The following ANKS1B variants were observed in gnomAD, a reference collection of about 807,000 sequenced individuals.
The protein encoded by ANKS1B is ankyrin repeat and sterile alpha motif domain-containing protein 1B.
A neutral mutation model predicts 148.3 loss-of-function variants in ANKS1B; 36 were observed. The observed-to-expected ratio is 0.24, with a 90% CI of 0.19 to 0.32. The LOEUF (loss-of-function observed/expected upper bound fraction) is 0.32, where lower values mean the gene tolerates loss of function less well. Ranked by LOEUF, ANKS1B falls within the 10% of genes least tolerant of loss-of-function variation. ANKS1B has a pLI of 1.00. For missense variants in ANKS1B, 1,157 were observed against 1,542.6 expected (o/e 0.75, Z 4.19); for synonymous variants, 542 against 560.8 (o/e 0.97, Z 0.47).
chr12:99,425,215 T>A (rs562432404), intron 11 of ANKS1B, among the ~76,000 whole-genome samples: 1 of 152,022 alleles, frequency 6.6e-6, no homozygotes, highest in Admixed American at 6.6e-5. Flanking sequence ...AATCTGTGTA[T>A]ATTTATATTC....
intron 12 of ANKS1B, among the ~76,000 whole-genome samples, chr12:99,314,561 A>T (rs1302222336): frequency 6.6e-6 from 1 of 152,218 alleles, no homozygotes; most frequent in South Asian, 2.1e-4. Context: ...TACTGGTACC[A>T]AAACAGACAC....
chr12:99,834,080 A>G (rs1470692964), intron 1 of ANKS1B, among the ~76,000 whole-genome samples: 1 of 152,122 alleles, frequency 6.6e-6, no homozygotes, highest in Non-Finnish European at 1.5e-5. Flanking sequence ...CCCTCCAACT[A>G]AAAATTTAAT....
intron 9 of ANKS1B, among the ~76,000 whole-genome samples, chr12:99,560,840 C>CT (rs58588885): frequency 0.058 from 4,147 of 71,838 alleles, 202 homozygotes; most frequent in East Asian, 0.17. Flanking sequence ...TTTCTTTTTT[C>CT]TTTTTTTTTT....
At chr12:99,547,030 G>A (rs10777998) in intron 9 of ANKS1B, among the ~76,000 whole-genome samples, 66,415 of 151,800 alleles carry the variant, frequency 0.44, 14,678 homozygotes, top group East Asian at 0.55. Flanking sequence ...GACACTGGGT[G>A]GACTCTGGGG....
At chr12:98,759,438 G>C (rs1232370439) in intron 25 of ANKS1B, among the ~76,000 whole-genome samples, 3 of 152,116 alleles carry the variant, frequency 2.0e-5, no homozygotes, top group Non-Finnish European at 4.4e-5. Flanking sequence ...GAGACAAAGA[G>C]ATCTTCCTCG....
At chr12:98,781,264 A>G (rs1466461866) in intron 23 of ANKS1B, 61 bp from the exon 24 acceptor site, 1 of 971,402 alleles carries the variant, frequency 1.0e-6, no homozygotes, top group East Asian at 2.6e-5. Context: ...TGAAGCACAC[A>G]ATTTTTCCTC....
intron 15 of ANKS1B, among the ~76,000 whole-genome samples, chr12:99,128,980 G>A (rs371196300): frequency 3.3e-5 from 5 of 152,198 alleles, no homozygotes; most frequent in Admixed American, 3.3e-4. Context: ...CTACATGCAG[G>A]AGGATGGAGC....
At chr12:99,585,177 G>A (rs2097618457) in intron 9 of ANKS1B, among the ~76,000 whole-genome samples, 1 of 152,160 alleles carries the variant, frequency 6.6e-6, no homozygotes, top group Admixed American at 6.5e-5. Context: ...TAGATACAAT[G>A]GAGGTCCAGG....
chr12:99,367,576 T>G (rs949125083), intron 12 of ANKS1B, among the ~76,000 whole-genome samples: 1 of 152,200 alleles, frequency 6.6e-6, no homozygotes, highest in African/African-American at 2.4e-5. Context: ...CCAACATATG[T>G]ACAAGGTTAC....
At chr12:99,771,356 T>C (rs1306714829) in intron 8 of ANKS1B, among the ~76,000 whole-genome samples, 3 of 152,052 alleles carry the variant, frequency 2.0e-5, no homozygotes, top group Admixed American at 6.6e-5. Flanking sequence ...ACAAAAAAGT[T>C]TGGAAACCCT....
intron 8 of ANKS1B, among the ~76,000 whole-genome samples, chr12:99,708,344 C>T (rs2056135348): frequency 6.6e-6 from 1 of 152,088 alleles, no homozygotes; most frequent in African/African-American, 2.4e-5. Flanking sequence ...CTCACATTAT[C>T]CTCTACAGGT....
At chr12:98,968,759 C>G (rs778380152) in intron 17 of ANKS1B, among the ~76,000 whole-genome samples, 26 of 151,260 alleles carry the variant, frequency 1.7e-4, no homozygotes, top group Non-Finnish European at 3.1e-4. Flanking sequence ...TCAGAAAGGA[C>G]AGCAGATGGC....
At chr12:99,692,248 T>C (rs1223539010) in intron 8 of ANKS1B, among the ~76,000 whole-genome samples, 1 of 141,324 alleles carries the variant, frequency 7.1e-6, no homozygotes, top group Non-Finnish European at 1.5e-5. Flanking sequence ...TAGAAGGCTG[T>C]TACAATAATC....
chr12:99,984,281 T>TCCTCCTCC lies in ANKS1B; in HGVS notation c.-52_-45dup, dbSNP rs2095750850. On this transcript the variant is annotated 5_prime_UTR_variant, in exon 1 of 27. Transcript: ENST00000683438. ...CCACAGAGTCCTTGCCCCCCTCGGGTCCTCCTCCCCACCCACCCCCACTCC... is the reference window on the plus strand; with the variant it reads ...CCACAGAGTCCTTGCCCCCCTCGGGTCCTCCTCCCCTCCTCCCCACCCACCCCCACTCC... 1 of 1,469,982 alleles carries TCCTCCTCC rather than the reference T, an allele frequency of 6.8e-7. No individual in the cohort carries two copies. Among genetic ancestry groups the TCCTCCTCC allele is most frequent in the South Asian group, 1.2e-5 (1 of 82,562 alleles). 91.1% of individuals were successfully genotyped at this position (1,469,982 alleles called of 1,614,324 possible). A position where few individuals can be genotyped will look rare whatever the true frequency, so the allele number is the denominator to read the frequency against.
In ANKS1B at chr12:99,597,029, T is replaced by G. The variant is rs1391034766; in HGVS notation, c.1272+58038A>C. Among the ~76,000 whole-genome samples, 4 of 151,984 alleles carry G rather than the reference T, an allele frequency of 2.6e-5. No individual in the cohort carries two copies. In the East Asian group the frequency reaches 7.7e-4, roughly 29 times the overall value. On this transcript the variant is annotated intron_variant, in intron 9 of 26. Coordinates refer to ENST00000683438, the MANE Select transcript of ANKS1B (RefSeq NM_001352186.2). ...ACAAACTATTTTATTGAAATGACTA[T>G]GCAATTTTATATTTCTACCAACAAT...
chr12:99,317,490 C>CT (rs1258407998), intron 12 of ANKS1B, among the ~76,000 whole-genome samples: 1 of 152,012 alleles, frequency 6.6e-6, no homozygotes. Flanking sequence ...TATAGGAATG[C>CT]TGTGATTTTT....
intron 25 of ANKS1B, among the ~76,000 whole-genome samples, chr12:98,766,522 A>G (rs193007574): frequency 2.0e-5 from 3 of 152,266 alleles, no homozygotes; most frequent in African/African-American, 7.2e-5. Context: ...GCATTGTGAC[A>G]TTTTCTTATA....
chr12:99,937,764 C>A (rs1250663287), intron 1 of ANKS1B, among the ~76,000 whole-genome samples: 1 of 152,010 alleles, frequency 6.6e-6, no homozygotes, highest in Non-Finnish European at 1.5e-5. Flanking sequence ...TTCTTTGATA[C>A]TAGATTTATA....
chr12:99,629,717 A>G (rs1259549163), intron 9 of ANKS1B, among the ~76,000 whole-genome samples: 2 of 152,136 alleles, frequency 1.3e-5, no homozygotes, highest in Non-Finnish European at 2.9e-5. Context: ...TAACTTATTA[A>G]AAAGGTAAAA....
Sources: allele counts gnomAD v4.1 joint callset (sites outside exome capture counted in the v4.1 genomes callset), GRCh38; gene constraint gnomAD v4.1.1; transcripts MANE v1.5; gene names NCBI Gene and HGNC (gene_info 2026-07-23, HGNC 2026-07-21).